Variants in RHCG observed in about 807,000 individuals in gnomAD.
RHCG encodes the protein ammonium transporter Rh type C.
RHCG carries 39 observed loss-of-function variants against 55.3 expected under a neutral mutation model. That is an observed-to-expected ratio of 0.70 (90% confidence interval 0.55 to 0.92). RHCG has a LOEUF of 0.92. Ranked by LOEUF, RHCG falls within the 40% of genes least tolerant of loss-of-function variation. RHCG has a pLI of 0.00. For missense variants in RHCG, 635 were observed against 627.9 expected (o/e 1.01, Z -0.12); for synonymous variants, 250 against 246.8 (o/e 1.01, Z -0.12).
At chr15:89,473,888 A>G (rs1961085137) in intron 9 of RHCG, among the ~76,000 whole-genome samples, 2 of 152,222 alleles carry the variant, frequency 1.3e-5, no homozygotes, top group East Asian at 3.8e-4. Flanking sequence ...TCAAAACAGA[A>G]CCAAGAGGGA....
At position 89,479,422 on chromosome 15, in the gene RHCG, T is replaced by C; in HGVS notation, c.737A>G (p.Gln246Arg). ...GTAGGTGTTGATGGCGGCTCGGTGC[T>C]GGCTGTCCCCATGGTAGGATATGGC... ...NSAISYHGDS[Q>R]HRAAINTYCS... The change falls in exon 5 of 11, where the codon CAG (glutamine) becomes CGG (arginine). Residue 246 changes from glutamine to arginine, a missense_variant. Coordinates refer to ENST00000268122, the MANE Select transcript of RHCG (RefSeq NM_016321.3). 1 of 1,614,120 alleles carries C rather than the reference T, an allele frequency of 6.2e-7. No homozygotes were observed. Among genetic ancestry groups the C allele is most frequent in the Non-Finnish European group, 8.5e-7 (1 of 1,180,018 alleles).
chr15:89,484,779 C>CA (rs59658119), intron 2 of RHCG, among the ~76,000 whole-genome samples: 9,822 of 101,266 alleles, frequency 0.097, 925 homozygotes, highest in African/African-American at 0.25. Flanking sequence ...AACTCAGTCT[C>CA]AAAAAAAAAA....
chr15:89,491,781 TAA>T (rs5814390), intron 1 of RHCG, among the ~76,000 whole-genome samples: 2,415 of 145,532 alleles, frequency 0.017, 63 homozygotes, highest in African/African-American at 0.055. Context: ...AAATAAAAAT[TAA>T]AAAAAAAAAG....
rs12440537 is a variant in RHCG, at chr15:89,472,602, A to C, written c.*24+109T>G. 4.2e-3 allele frequency: 4,843 copies of C among 1,146,756 alleles called. 112 individuals are homozygous for C. In the Admixed American group the frequency reaches 0.049, roughly 12 times the overall value. The allele number at this position is 1,146,756 out of a possible 1,614,324, so 71.0% of individuals were successfully genotyped here. A position where few individuals can be genotyped will look rare whatever the true frequency, so the allele number is the denominator to read the frequency against. On this transcript the variant is annotated intron_variant, in intron 10 of 10. Coordinates refer to ENST00000268122, the MANE Select transcript of RHCG (RefSeq NM_016321.3). Reference sequence around the variant, plus strand: ...TCAGGCAGGAGGGGTGGAAGCCCTCATTTCTTGATGTTTGCTTTTTGCCTC... The same window carrying C: ...TCAGGCAGGAGGGGTGGAAGCCCTCCTTTCTTGATGTTTGCTTTTTGCCTC...
chr15:89,479,186 A>T lies in RHCG; in HGVS notation c.837+136T>A, dbSNP rs1232090952. 3.4e-6 allele frequency: 3 copies of T among 879,622 alleles called. No individual in the cohort carries two copies. The East Asian group carries it at 8.1e-5, about 24-fold the overall frequency. 54.5% of individuals were successfully genotyped at this position (879,622 alleles called of 1,614,324 possible). A position where few individuals can be genotyped will look rare whatever the true frequency, so the allele number is the denominator to read the frequency against. ...CTGCTGAAAACTGGCCATGTGCTCA[A>T]AACAAATCATTTCTCCCCCAACCTC... On this transcript the variant is annotated intron_variant, in intron 5 of 10. Transcript: ENST00000268122.
At chr15:89,484,309 G>C (rs1422453237) in intron 2 of RHCG, among the ~76,000 whole-genome samples, 1 of 152,160 alleles carries the variant, frequency 6.6e-6, no homozygotes, top group Non-Finnish European at 1.5e-5. Flanking sequence ...TAGGCTCTGG[G>C]GTATCTACTA....
At chr15:89,493,834 G>T (rs781245814) in intron 1 of RHCG, among the ~76,000 whole-genome samples, 8 of 152,100 alleles carry the variant, frequency 5.3e-5, no homozygotes, top group Non-Finnish European at 8.8e-5. Flanking sequence ...ACACTTCTCC[G>T]CTCTGGCCTT....
At position 89,495,897 on chromosome 15, in the gene RHCG, G is replaced by A. The variant is rs77067447; in HGVS notation, c.184+464C>T. On this transcript the variant is annotated intron_variant, in intron 1 of 10. Transcript: ENST00000268122. ...GACACCAGAAGATTCAGGGGCGCTT[G>A]TTTTCCCTCTCCAAGCTAAAAGGGG... 8.7e-3 allele frequency among the ~76,000 whole-genome samples: 1,329 copies of A among 152,324 alleles called. 38 individuals are homozygous for A. The highest frequency in any genetic ancestry group is 0.064 in the East Asian group (333 of 5,174).
Position 89,477,028 on chromosome 15 carries a change from C to A in RHCG, c.1237+54G>T. 1.2e-6 allele frequency: 2 copies of A among 1,610,800 alleles called. No individual in the cohort carries two copies. Among genetic ancestry groups the A allele is most frequent in the Non-Finnish European group, 1.7e-6 (2 of 1,177,822 alleles). On this transcript the variant is annotated intron_variant, in intron 8 of 10. Coordinates refer to ENST00000268122, the MANE Select transcript of RHCG (RefSeq NM_016321.3). The surrounding 1 kb of genome is among the most constrained non-coding windows in gnomAD (Gnocchi z 4.5). ...TGCCGCATGCCCTTTGCTTCTCCAC[C>A]CAGGGAGCCCCACAGCAGCACCCCC...
At chr15:89,472,615 T>G in intron 10 of RHCG, 96 bp downstream of exon 10, 1 of 1,262,392 alleles carries the variant, frequency 7.9e-7, no homozygotes. Context: ...TCTTGATGTT[T>G]GCTTTTTGCC....
chr15:89,494,379 C>T (rs190381782), intron 1 of RHCG, among the ~76,000 whole-genome samples: 23 of 152,276 alleles, frequency 1.5e-4, no homozygotes, highest in Non-Finnish European at 2.4e-4. Flanking sequence ...ACAGTCATGG[C>T]TTATCCATGG....
intron 1 of RHCG, among the ~76,000 whole-genome samples, chr15:89,490,745 C>T (rs1354449941): frequency 6.8e-6 from 1 of 147,146 alleles, no homozygotes; most frequent in African/African-American, 2.5e-5. Context: ...GAGGGAGGTG[C>T]TGGGTCTGGC....
intron 1 of RHCG, among the ~76,000 whole-genome samples, chr15:89,494,403 A>T (rs928505914): frequency 6.6e-6 from 1 of 152,190 alleles, no homozygotes; most frequent in Non-Finnish European, 1.5e-5. Context: ...CCAGCAAATT[A>T]CTACCAGCAC....
At chr15:89,489,765 A>T (rs1961439919) in intron 1 of RHCG, among the ~76,000 whole-genome samples, 1 of 152,200 alleles carries the variant, frequency 6.6e-6, no homozygotes, top group African/African-American at 2.4e-5. Context: ...TCACCTCATT[A>T]GAGAGGCCTT....
chr15:89,482,918 T>G (rs1399360132), intron 3 of RHCG, 149 bp downstream of exon 3: 1 of 715,408 alleles, frequency 1.4e-6, no homozygotes, highest in Non-Finnish European at 2.2e-6. Context: ...ATATTATTAC[T>G]CCCACTTTAG....
intron 2 of RHCG, 35 bp downstream of exon 2, chr15:89,486,764 G>C: frequency 6.4e-7 from 1 of 1,560,856 alleles, no homozygotes; most frequent in African/African-American, 1.4e-5. Flanking sequence ...ATCCCTCCCA[G>C]TCCGCCACGC....
rs201956274 is a variant in RHCG at position 89,496,375 on chromosome 15, T to C, written c.170A>G (p.Tyr57Cys). The C allele has an allele frequency of 1.9e-6, 3 of 1,613,920 alleles. No individual in the cohort carries two copies. Among genetic ancestry groups the C allele is most frequent in the Middle Eastern group, 1.6e-4 (1 of 6,062 alleles). ...GCGAGACTTACTTGGGTAGCGATAG[T>C]AGAATTCGTTCTCCATGTCGCTCAA... ...KNLSDMENEF[Y>C]YRYPSFQDVH... The change falls in exon 1 of 11, where the codon TAC becomes TGC. Residue 57 changes from tyrosine (Y) to cysteine (C), a missense_variant. Physicochemically the swap from Tyr to Cys is radical, Grantham distance 194 (BLOSUM62 -2). Coordinates refer to ENST00000268122, the MANE Select transcript of RHCG (RefSeq NM_016321.3).
At chr15:89,486,350 A>G (rs141084996) in intron 2 of RHCG, 219 of 456,694 alleles carry the variant, frequency 4.8e-4, no homozygotes, top group African/African-American at 4.1e-3. Flanking sequence ...CAGTTCTCCC[A>G]CCAGAGTCCC....
intron 1 of RHCG, among the ~76,000 whole-genome samples, 183 bp downstream of exon 1, chr15:89,496,178 C>G (rs1352403823): frequency 6.6e-6 from 1 of 152,180 alleles, no homozygotes; most frequent in Non-Finnish European, 1.5e-5. Flanking sequence ...TAGTTTTTCA[C>G]GGGGAAAAGG....
Sources: gnomAD v4.1 joint callset for allele counts (sites outside exome capture counted in the v4.1 genomes callset) on GRCh38, gnomAD v4.1.1 for gene constraint, Gnocchi (gnomAD v3.1) non-coding constraint, MANE v1.5 for transcripts, NCBI Gene and HGNC (gene_info 2026-07-23, HGNC 2026-07-21) for gene names.